The following CACNA1A variants were observed in gnomAD, a reference collection of about 807,000 sequenced individuals.
CACNA1A encodes the protein voltage-dependent P/Q-type calcium channel subunit alpha-1A.
A neutral mutation model predicts 262.4 loss-of-function variants in CACNA1A; 57 were observed. That is an observed-to-expected ratio of 0.22 (90% CI 0.18 to 0.27). CACNA1A has a LOEUF of 0.27. Among genes scored for constraint, CACNA1A ranks in the 10% least tolerant of loss-of-function variants. The probability of loss-of-function intolerance (pLI) is 1.00; values close to 1 mark genes in which losing one functional copy is unlikely to be tolerated. For synonymous variants in CACNA1A, 1,431 were observed against 1,419.3 expected (o/e 1.01, Z -0.18); for missense variants, 2,526 against 3,562.8 (o/e 0.71, Z 7.41).
intron 10 of CACNA1A, among the ~76,000 whole-genome samples, chr19:13,327,834 A>C (rs1216208972): frequency 1.3e-5 from 2 of 152,126 alleles, no homozygotes; most frequent in Non-Finnish European, 2.9e-5. Context: ...CAGCCTCCCA[A>C]AGTGCTGGGA....
rs116349402 is a variant in CACNA1A, at chr19:13,246,251, G to A, written c.4867-986C>T. Among the ~76,000 whole-genome samples, 1,297 of 152,272 alleles carry A rather than the reference G, an allele frequency of 8.5e-3. 19 individuals carry two copies. The highest frequency in any genetic ancestry group is 0.027 in the South Asian group (129 of 4,822). Reference sequence around the variant, plus strand: ...ACAGGGTGCAGAACAGGCACTGGACGGGGCTTTGGGGCCTTTCAGGCACAC... The same window carrying A: ...ACAGGGTGCAGAACAGGCACTGGACAGGGCTTTGGGGCCTTTCAGGCACAC... On this transcript the variant is annotated intron_variant, in intron 30 of 46. Coordinates refer to ENST00000360228, the MANE Select transcript of CACNA1A (RefSeq NM_001127222.2).
intron 5 of CACNA1A, among the ~76,000 whole-genome samples, chr19:13,360,275 A>C (rs373358751): frequency 6.8e-6 from 1 of 147,398 alleles, no homozygotes; most frequent in Non-Finnish European, 1.5e-5. Flanking sequence ...GTATATATAT[A>C]TATATATATA....
chr19:13,405,048 C>A (rs2059978003), intron 3 of CACNA1A, among the ~76,000 whole-genome samples: 1 of 152,008 alleles, frequency 6.6e-6, no homozygotes, highest in South Asian at 2.1e-4. Context: ...AGGCACCCCG[C>A]CACCACACCC....
In CACNA1A at chr19:13,302,890, C is replaced by G. The variant is rs541048313; in HGVS notation, c.2172+656G>C. On this transcript the variant is annotated intron_variant, in intron 17 of 46. Coordinates refer to ENST00000360228, the MANE Select transcript of CACNA1A (RefSeq NM_001127222.2). ...TTTCACAAACATGTCCTGAATACCT[C>G]GAGGCACTGGAGGTGGGGCTGCAAT... Among the ~76,000 whole-genome samples the G allele has an allele frequency of 4.6e-5, 7 of 152,316 alleles. 1 individual carries two copies. The highest frequency in any genetic ancestry group is 3.9e-4 in the Admixed American group (6 of 15,298).
In CACNA1A at chr19:13,207,529, G is replaced by C; in HGVS notation, c.7305C>G (p.Asp2435Glu). ...GGEEAMAGAYDAPPPVRHASS... is the reference protein window; with the variant it reads ...GGEEAMAGAYEAPPPVRHASS... ...ACGCGTGTCGTACGGGGGGTGGCGCGTCGTAGGCCCCGGCCATGGCCTCCT... is the reference window on the plus strand; with the variant it reads ...ACGCGTGTCGTACGGGGGGTGGCGCCTCGTAGGCCCCGGCCATGGCCTCCT... The change falls in exon 47 of 47, where the codon GAC (aspartate) becomes GAG (glutamate). Residue 2435 changes from aspartate (D) to glutamate (E), a missense_variant. Around this residue, in one of 17 missense-constraint regions of CACNA1A, gnomAD observed 929 missense variants for 868.1 expected, o/e 1.07. Coordinates refer to ENST00000360228, the MANE Select transcript of CACNA1A (RefSeq NM_001127222.2). This position sits in a 1 kb window ranked among gnomAD's most constrained non-coding sequence, Gnocchi z 5.7. 1 of 1,440,362 alleles carries C rather than the reference G, an allele frequency of 6.9e-7. No homozygotes were observed. The highest frequency in any genetic ancestry group is 9.1e-7 in the Non-Finnish European group (1 of 1,097,804). The allele number at this position is 1,440,362 out of a possible 1,614,324, so 89.2% of individuals were successfully genotyped here.
intron 3 of CACNA1A, among the ~76,000 whole-genome samples, chr19:13,376,748 C>T (rs962696104): frequency 4.1e-5 from 6 of 145,382 alleles, no homozygotes; most frequent in Non-Finnish European, 9.0e-5. Context: ...ATATATAACA[C>T]AATATGTTAT....
At chr19:13,211,457 G>A in intron 43 of CACNA1A, 1 of 153,370 alleles carries the variant, frequency 6.5e-6, no homozygotes, top group African/African-American at 2.4e-5. Context: ...CACACATCAA[G>A]CACACACCCC....
At chr19:13,261,887 A>G (rs2056742594) in intron 25 of CACNA1A, 2 of 349,744 alleles carry the variant, frequency 5.7e-6, no homozygotes, top group Admixed American at 4.3e-5. Flanking sequence ...ACAAGGTAAC[A>G]AAGTTACTTC....
chr19:13,350,464 C>T (rs1298254854), intron 6 of CACNA1A, among the ~76,000 whole-genome samples: 2 of 152,124 alleles, frequency 1.3e-5, no homozygotes, highest in East Asian at 3.8e-4. Flanking sequence ...AAATAATTAC[C>T]CCTTTACTTC....
chr19:13,277,066 C>T lies in CACNA1A; in HGVS notation c.3882+3G>A. The T allele has an allele frequency of 6.2e-7, 1 of 1,605,200 alleles. No homozygotes were observed. Among genetic ancestry groups the T allele is most frequent in the Non-Finnish European group, 8.5e-7 (1 of 1,172,132 alleles). On this transcript the variant is annotated splice_donor_region_variant and intron_variant, in intron 23 of 46. Transcript: ENST00000360228. The stretch of plus-strand genomic sequence containing the variant: ...TGTGTTCTCACTTATAATCTGCACT[C>T]ACCTTGATCACCATCTCAAAGGTAA...
At chr19:13,482,372 A>G (rs919527016) in intron 1 of CACNA1A, among the ~76,000 whole-genome samples, 2 of 151,542 alleles carry the variant, frequency 1.3e-5, no homozygotes, top group African/African-American at 4.9e-5. Flanking sequence ...AGTCCCAGCT[A>G]CTCGGGAGGC....
chr19:13,207,790 AGGCTCGGCCGTGGGGCCT>A lies in CACNA1A; in HGVS notation c.7026_7043del (p.Gly2343_Pro2348del). ...CCGTGGGCGGCCGATCTCCGGCCAGAGGCTCGGCCGTGGGGCCTGGGTACCTCCGAGGGCCGCTGGTGG... is the reference window on the plus strand; with the variant it reads ...CCGTGGGCGGCCGATCTCCGGCCAGAGGGTACCTCCGAGGGCCGCTGGTGG... On this transcript the variant is annotated inframe_deletion, in exon 47 of 47. Coordinates refer to ENST00000360228, the MANE Select transcript of CACNA1A (RefSeq NM_001127222.2). The surrounding 1 kb of genome is among the most constrained non-coding windows in gnomAD (Gnocchi z 5.7). The A allele has an allele frequency of 1.4e-6, 2 of 1,396,728 alleles. No homozygotes were observed. Among genetic ancestry groups the A allele is most frequent in the South Asian group, 3.2e-5 (2 of 62,696 alleles). 86.5% of individuals were successfully genotyped at this position (1,396,728 alleles called of 1,614,324 possible).
intron 1 of CACNA1A, among the ~76,000 whole-genome samples, chr19:13,482,355 T>C (rs1462784102): frequency 5.9e-5 from 9 of 151,686 alleles, no homozygotes; most frequent in Non-Finnish European, 7.4e-5. Context: ...TGGTGGTGGG[T>C]GCCTGTAGTC....
At chr19:13,429,821 G>C (rs1474720107) in intron 3 of CACNA1A, among the ~76,000 whole-genome samples, 1 of 151,712 alleles carries the variant, frequency 6.6e-6, no homozygotes, top group Non-Finnish European at 1.5e-5. Context: ...CTACAATATG[G>C]ATGAGACTGG....
At chr19:13,268,792 T>C (rs1336387145) in intron 24 of CACNA1A, among the ~76,000 whole-genome samples, 2 of 151,828 alleles carry the variant, frequency 1.3e-5, no homozygotes, top group Non-Finnish European at 2.9e-5. Flanking sequence ...AAGTGGATTC[T>C]CCTCCACACC....
In CACNA1A at chr19:13,335,907, G is replaced by A; in HGVS notation, c.981C>T (p.Ser327=). 2 of 1,588,732 alleles carry A rather than the reference G, an allele frequency of 1.3e-6. No homozygotes were observed. The highest frequency in any genetic ancestry group is 1.1e-5 in the South Asian group (1 of 88,042). ...TCCAAGTGTTCCCTGAGGCATCGTT[G>A]CTCTGTAGGGTGTGAGGAGGGAAAG... is the stretch of plus-strand genomic sequence containing the variant. ...MEGWTDLLYN[S]NDASGNTWNW... The change falls in exon 7 of 47, where the codon AGC becomes AGT. Residue 327 remains serine, a splice_region_variant and synonymous_variant. Transcript: ENST00000360228.
At chr19:13,476,108 C>T (rs747528711) in intron 1 of CACNA1A, among the ~76,000 whole-genome samples, 6 of 152,198 alleles carry the variant, frequency 3.9e-5, no homozygotes, top group Non-Finnish European at 8.8e-5. Flanking sequence ...GCTCAGGAAG[C>T]TGGGGCCAGG....
intron 8 of CACNA1A, 94 bp downstream of exon 8, chr19:13,334,284 C>G: frequency 2.7e-6 from 2 of 751,784 alleles, no homozygotes; most frequent in South Asian, 1.5e-5. Context: ...CCATCATAAC[C>G]CTCCCAGCTT....
At chr19:13,504,356 G>A (rs1281397413) in intron 1 of CACNA1A, among the ~76,000 whole-genome samples, 1 of 152,086 alleles carries the variant, frequency 6.6e-6, no homozygotes, top group Non-Finnish European at 1.5e-5. Flanking sequence ...GTAGTTAGAG[G>A]TATGCTCCCC....
Sources: allele counts gnomAD v4.1 joint callset (sites outside exome capture counted in the v4.1 genomes callset), GRCh38; gene constraint gnomAD v4.1.1; regional missense constraint gnomAD v4.1.1; non-coding constraint Gnocchi (gnomAD v3.1); transcripts MANE v1.5; gene names NCBI Gene and HGNC (gene_info 2026-07-23, HGNC 2026-07-21).